The following WDR41 variants were observed in gnomAD, a reference collection of about 807,000 sequenced individuals.
WDR41 encodes WD repeat domain 41, also known as WD repeat-containing protein 41.
WDR41 carries 63 observed loss-of-function variants against 69.3 expected under a neutral mutation model. That is an observed-to-expected ratio of 0.91 (90% CI 0.74 to 1.12). WDR41 has a LOEUF of 1.12. Ranked by LOEUF, WDR41 falls within the 50% of genes most tolerant of loss-of-function variation. The pLI is 0.00. For synonymous variants in WDR41, 185 were observed against 192.1 expected, an observed-to-expected ratio of 0.96 and a Z score of 0.31; for missense variants, 543 against 534.5, an observed-to-expected ratio of 1.02 and a Z score of -0.16.
intron 1 of WDR41, chr5:77,499,407 C>G (rs1262359904): frequency 2.0e-5 from 3 of 152,248 alleles, no homozygotes; most frequent in African/African-American, 7.2e-5. Context: ...GTCTTTTCCT[C>G]TCCTTTTTGT....
chr5:77,536,707 AAG>A (rs1742990078), intron 1 of WDR41, among the ~76,000 whole-genome samples: 1 of 152,118 alleles, frequency 6.6e-6, no homozygotes, highest in Non-Finnish European at 1.5e-5. Context: ...TATTATTCAG[AAG>A]AGTCACTTGC....
intron 1 of WDR41, among the ~76,000 whole-genome samples, chr5:77,596,961 A>T (rs1744239236): frequency 6.6e-6 from 1 of 151,928 alleles, no homozygotes; most frequent in African/African-American, 2.4e-5. Context: ...CTACAAAAAA[A>T]ATACAGAAAA....
At chr5:77,435,733 T>G (rs1798915006) in intron 12 of WDR41, among the ~76,000 whole-genome samples, 1 of 152,252 alleles carries the variant, frequency 6.6e-6, no homozygotes, top group Admixed American at 6.5e-5. Context: ...TATCTGGATT[T>G]CTACATGTTA....
chr5:77,601,429 A>G (rs910711902), intron 1 of WDR41, among the ~76,000 whole-genome samples: 3 of 152,178 alleles, frequency 2.0e-5, no homozygotes, highest in African/African-American at 7.2e-5. Context: ...CAAAATCTTC[A>G]TTAGAAAGAG....
chr5:77,520,404 A>G (rs957396197), intron 1 of WDR41, among the ~76,000 whole-genome samples: 1 of 152,184 alleles, frequency 6.6e-6, no homozygotes, highest in Non-Finnish European at 1.5e-5. Flanking sequence ...GGATGTAAGT[A>G]CGGTTAGTTT....
intron 2 of WDR41, among the ~76,000 whole-genome samples, chr5:77,475,840 A>G (rs1368611563): frequency 6.6e-6 from 1 of 152,222 alleles, no homozygotes; most frequent in Non-Finnish European, 1.5e-5. Context: ...TGACAAGCTG[A>G]GAGAAGAAGG....
chr5:77,587,995 A>G (rs1161322886), intron 1 of WDR41, among the ~76,000 whole-genome samples: 2 of 152,218 alleles, frequency 1.3e-5, no homozygotes, highest in Admixed American at 1.3e-4. Flanking sequence ...TTATTGTTTA[A>G]GGCACCCATT....
At chr5:77,491,976 C>T (rs753444142) in intron 1 of WDR41, 194 bp downstream of exon 1, 91 of 641,676 alleles carry the variant, frequency 1.4e-4, no homozygotes, top group Admixed American at 1.3e-3. Context: ...GCCTGGGGTC[C>T]CGCCGGGTCT....
intron 1 of WDR41, among the ~76,000 whole-genome samples, chr5:77,512,192 T>C (rs1378932769): frequency 6.6e-6 from 1 of 152,142 alleles, no homozygotes; most frequent in East Asian, 1.9e-4. Flanking sequence ...TTACAAAATA[T>C]TCATGCCTGG....
chr5:77,469,851 T>C (rs1800490923), intron 2 of WDR41, among the ~76,000 whole-genome samples: 1 of 152,028 alleles, frequency 6.6e-6, no homozygotes, highest in Non-Finnish European at 1.5e-5. Flanking sequence ...TGGAAAACAC[T>C]CTGCAGGATA....
chr5:77,571,266 G>T (rs1275079046), intron 1 of WDR41, among the ~76,000 whole-genome samples: 1 of 152,064 alleles, frequency 6.6e-6, no homozygotes, highest in Non-Finnish European at 1.5e-5. Flanking sequence ...AAAATATTGG[G>T]TCATTTTTAA....
intron 1 of WDR41, among the ~76,000 whole-genome samples, chr5:77,615,782 C>T (rs1449504067): frequency 6.6e-6 from 1 of 150,680 alleles, no homozygotes; most frequent in Non-Finnish European, 1.5e-5. Flanking sequence ...CACTTGAGGT[C>T]AGAGGTTCGA....
rs1351461218 is a variant in WDR41 at position 77,564,819 on chromosome 5, TACTCAA to T, written c.42+55654_42+55659del. On this transcript the variant is annotated intron_variant, in intron 1 of 5. Transcript: ENST00000509971. ...ATGCACTGTTAAGTGAACTACCATA[TACTCAA>T]ACTCAACAGTCCCATAATGTATTTC... 2.3e-4 allele frequency among the ~76,000 whole-genome samples: 35 copies of T among 152,294 alleles called. 1 individual carries two copies. The highest frequency in any genetic ancestry group is 2.3e-3 in the Admixed American group (35 of 15,288).
At chr5:77,617,880 C>T (rs1325720551) in intron 1 of WDR41, among the ~76,000 whole-genome samples, 2 of 152,178 alleles carry the variant, frequency 1.3e-5, no homozygotes, top group African/African-American at 4.8e-5. Context: ...AAGCAAATAA[C>T]TACCCATATG....
At position 77,451,345 on chromosome 5, in the gene WDR41, C is replaced by T. The variant is rs1196223952; in HGVS notation, c.532G>A (p.Ala178Thr). 6.2e-7 allele frequency: 1 copy of T among 1,613,440 alleles called. No homozygotes were observed. Among genetic ancestry groups the T allele is most frequent in the East Asian group, 2.2e-5 (1 of 44,848 alleles). Residue 178 changes from alanine to threonine, a missense_variant, in exon 7 of 13, where the codon GCT becomes ACT. Coordinates refer to ENST00000296679, the MANE Select transcript of WDR41 (RefSeq NM_018268.4). ...CAGTTCTTAGGTATTTCAACCAAAG[C>T]ACTAATACCTCCAAAAACATATAAA... ...TSHLSDTGIS[A>T]LVEIPKNCVV... is the part of the protein sequence containing the mutation.
intron 2 of WDR41, among the ~76,000 whole-genome samples, chr5:77,468,925 G>A (rs2151332476): frequency 6.6e-6 from 1 of 151,686 alleles, no homozygotes; most frequent in East Asian, 1.9e-4. Context: ...TTTTTTCTAT[G>A]GTTTTGTTCT....
At chr5:77,598,775 G>T (rs1744270895) in intron 1 of WDR41, among the ~76,000 whole-genome samples, 1 of 151,596 alleles carries the variant, frequency 6.6e-6, no homozygotes, top group African/African-American at 2.4e-5. Flanking sequence ...GACAATTATG[G>T]TTCAATGTTA....
chr5:77,461,169 GAA>G (rs59269237), intron 4 of WDR41, among the ~76,000 whole-genome samples: 8,139 of 152,134 alleles, frequency 0.053, 357 homozygotes, highest in Admixed American at 0.13. Context: ...CACTGATACT[GAA>G]AAAGAGAGCT....
chr5:77,531,746 T>G (rs1013315637), intron 1 of WDR41, among the ~76,000 whole-genome samples: 12 of 152,166 alleles, frequency 7.9e-5, no homozygotes, highest in South Asian at 6.2e-4. Context: ...TTATTCACAA[T>G]AGCTCAAATG....
Sources: gnomAD v4.1 joint callset for allele counts (sites outside exome capture counted in the v4.1 genomes callset) on GRCh38, gnomAD v4.1.1 for gene constraint, MANE v1.5 for transcripts, NCBI Gene and HGNC (gene_info 2026-07-23, HGNC 2026-07-21) for gene names.